CKAP2: variants seen among roughly 807,000 people sequenced by gnomAD.
CKAP2 encodes cytoskeleton associated protein 2.
CKAP2 carries 46 observed loss-of-function variants against 58.4 expected under a neutral mutation model. The observed-to-expected ratio is 0.79, with a 90% CI of 0.62 to 1.01. The LOEUF (loss-of-function observed/expected upper bound fraction) is 1.01. Among genes scored for constraint, CKAP2 ranks in the 50% least tolerant of loss-of-function variants. The probability of loss-of-function intolerance (pLI) is 0.00; values close to 1 mark genes in which losing one functional copy is unlikely to be tolerated. For synonymous variants in CKAP2, 293 were observed against 280.9 expected (o/e 1.04, Z -0.43); for missense variants, 809 against 796.4 (o/e 1.02, Z -0.19).
chr13:52,472,119 T>C (rs1180379899), intron 7 of CKAP2, among the ~76,000 whole-genome samples: 1 of 152,214 alleles, frequency 6.6e-6, no homozygotes, highest in East Asian at 1.9e-4. Context: ...GTTAGTTCCT[T>C]GGAGTAGCCT....
intron 8 of CKAP2, 41 bp from the exon 9 acceptor site, chr13:52,474,854 T>C (rs779530803): frequency 6.3e-7 from 1 of 1,583,260 alleles, no homozygotes; most frequent in South Asian, 1.1e-5. Context: ...GTAAAAATGT[T>C]AACATGTTTT....
chr13:52,461,910 AC>A lies in CKAP2; in HGVS notation c.1086del (p.Ser363ArgfsTer8). ...VDSRSAQPKE[T>X]SEERKARLSE... is the part of the protein sequence containing the mutation. ...TAGTAGATCAGCTCAGCCCAAAGAAACCTCGGAAGAGAGAAAGTAAGTAGAT... is the reference window on the plus strand; with the variant it reads ...TAGTAGATCAGCTCAGCCCAAAGAAACTCGGAAGAGAGAAAGTAAGTAGAT... On this transcript the variant is annotated frameshift_variant, in exon 4 of 9. Transcript: ENST00000258607. LOFTEE classifies it high-confidence loss of function. 6.3e-7 allele frequency: 1 copy of A among 1,593,000 alleles called. No individual in the cohort carries two copies. The highest frequency in any genetic ancestry group is 8.5e-7 in the Non-Finnish European group (1 of 1,173,162).
At position 52,460,896 on chromosome 13, in the gene CKAP2, T is replaced by C; in HGVS notation, c.156-3T>C. 6.2e-7 allele frequency: 1 copy of C among 1,612,444 alleles called. No homozygotes were observed. The highest frequency in any genetic ancestry group is 8.5e-7 in the Non-Finnish European group (1 of 1,179,424). ...ATCATTTTGTTTGTTTGTTTTTAAG[T>C]AGTAGAGATCAGAGAGTTGTGACAT... On this transcript the variant is annotated splice_region_variant and splice_polypyrimidine_tract_variant and intron_variant, in intron 2 of 8. Transcript: ENST00000258607.
chr13:52,474,812 A>G (rs1237088692), intron 8 of CKAP2, 83 bp from the exon 9 acceptor site: 126 of 1,331,328 alleles, frequency 9.5e-5, no homozygotes, highest in Middle Eastern at 2.5e-4. Flanking sequence ...CATACAAGCT[A>G]TATAGTATGG....
rs1267530210 is a variant in CKAP2, at chr13:52,461,697, C to A, written c.871C>A (p.Gln291Lys). The change falls in exon 4 of 9, where the codon CAA becomes AAA. Residue 291 changes from glutamine to lysine, a missense_variant. Gln to Lys is a moderately conservative substitution (Grantham distance 53, BLOSUM62 1). Coordinates refer to ENST00000258607, the MANE Select transcript of CKAP2 (RefSeq NM_018204.5). ...AGGGCCTCATGAAAAAGAACTATTA[C>A]AATCAAAAACAGCTTTATCTAGTGT... ...RKGPHEKELL[Q>K]SKTALSSVKT... is the part of the protein sequence containing the mutation. 7.4e-6 allele frequency: 12 copies of A among 1,613,656 alleles called. No individual in the cohort carries two copies. The highest frequency in any genetic ancestry group is 1.0e-5 in the Non-Finnish European group (12 of 1,179,916).
At chr13:52,458,991 G>T (rs984181564) in intron 2 of CKAP2, among the ~76,000 whole-genome samples, 9 of 152,102 alleles carry the variant, frequency 5.9e-5, no homozygotes, top group Non-Finnish European at 1.2e-4. Context: ...CTAAAGTATA[G>T]ATATCCTAAG....
At chr13:52,466,116 C>G (rs1383308323) in intron 6 of CKAP2, among the ~76,000 whole-genome samples, 1 of 151,800 alleles carries the variant, frequency 6.6e-6, no homozygotes, top group Non-Finnish European at 1.5e-5. Flanking sequence ...TGGCAATAAA[C>G]CGGTTTCTCT....
intron 5 of CKAP2, 36 bp downstream of exon 5, chr13:52,462,603 T>G (rs1014902082): frequency 6.6e-7 from 1 of 1,520,608 alleles, no homozygotes; most frequent in African/African-American, 1.4e-5. Flanking sequence ...TTTTATAGTT[T>G]GCAAATTACC....
chr13:52,468,897 A>AT (rs1958720285), intron 7 of CKAP2, among the ~76,000 whole-genome samples: 1 of 152,234 alleles, frequency 6.6e-6, no homozygotes, highest in Non-Finnish European at 1.5e-5. Context: ...ATACCCAGTA[A>AT]TGGGATTACT....
rs769189054 is a variant in CKAP2 at position 52,461,862 on chromosome 13, A to G, written c.1036A>G (p.Thr346Ala). Residue 346 changes from threonine (T) to alanine (A), a missense_variant, in exon 4 of 9, where the codon ACT (threonine) becomes GCT (alanine). Thr to Ala is a moderately conservative substitution (Grantham distance 58, BLOSUM62 0). This residue lies in a region of CKAP2 where 523 missense variants were observed against 492.4 expected (regional missense o/e 1.06). Transcript: ENST00000258607. The stretch of plus-strand genomic sequence containing the variant: ...AGAGCCCGTTGACCAGCGAAGACAT[A>G]CTGCAGGAAAAGCAATTGTTGATAG... ...KSEPVDQRRH[T>A]AGKAIVDSRS... The G allele has an allele frequency of 6.0e-5, 97 of 1,614,078 alleles. No individual in the cohort carries two copies. Among genetic ancestry groups the G allele is most frequent in the South Asian group, 1.2e-4 (11 of 91,042 alleles).
At chr13:52,468,142 G>A (rs1297313014) in intron 6 of CKAP2, 136 bp from the exon 7 acceptor site, 1 of 571,996 alleles carries the variant, frequency 1.7e-6, no homozygotes, top group East Asian at 3.0e-5. Flanking sequence ...AATTGTAAGT[G>A]GTCTGAGAAG....
intron 7 of CKAP2, among the ~76,000 whole-genome samples, chr13:52,469,050 G>A (rs930762523): frequency 2.0e-5 from 3 of 152,022 alleles, no homozygotes; most frequent in South Asian, 4.1e-4. Flanking sequence ...TATTTCTTTG[G>A]CCTTTTAAGG....
At chr13:52,458,878 C>T (rs1594133549) in intron 2 of CKAP2, among the ~76,000 whole-genome samples, 1 of 150,166 alleles carries the variant, frequency 6.7e-6, no homozygotes, top group Non-Finnish European at 1.5e-5. Flanking sequence ...AAAAGGAAAA[C>T]AGATGTCAAT....
At chr13:52,469,001 A>G (rs1324035859) in intron 7 of CKAP2, among the ~76,000 whole-genome samples, 1 of 152,202 alleles carries the variant, frequency 6.6e-6, no homozygotes, top group Non-Finnish European at 1.5e-5. Flanking sequence ...CAACAATGTA[A>G]ACGCATTCCT....
intron 6 of CKAP2, chr13:52,465,954 TGC>T (rs1331161722): frequency 3.7e-4 from 107 of 289,004 alleles, no homozygotes; most frequent in East Asian, 2.0e-3. Context: ...CACATATATA[TGC>T]ACACATATAT....
rs555258611 is a variant in CKAP2, at chr13:52,464,324, G to A, written c.1306-971G>A. 2.0e-5 allele frequency among the ~76,000 whole-genome samples: 3 copies of A among 152,186 alleles called. No homozygotes were observed. In the South Asian group the frequency reaches 6.2e-4, roughly 32 times the overall value. Reference sequence around the variant, plus strand: ...TCCCAGCACTTTGGGAGGCCAAGGCGGGCGGATCACCCAAGGTCAGGAGTT... The same window carrying A: ...TCCCAGCACTTTGGGAGGCCAAGGCAGGCGGATCACCCAAGGTCAGGAGTT... On this transcript the variant is annotated intron_variant, in intron 5 of 8. Coordinates refer to ENST00000258607, the MANE Select transcript of CKAP2 (RefSeq NM_018204.5).
intron 7 of CKAP2, among the ~76,000 whole-genome samples, chr13:52,470,004 AT>A (rs1958739565): frequency 6.6e-6 from 1 of 152,196 alleles, no homozygotes; most frequent in African/African-American, 2.4e-5. Context: ...GTAACTGTAT[AT>A]TATACAGTCA....
intron 7 of CKAP2, 94 bp downstream of exon 7, chr13:52,468,441 C>A: frequency 2.9e-6 from 2 of 683,062 alleles, no homozygotes; most frequent in Non-Finnish European, 2.5e-6. Flanking sequence ...AGTACGTGTG[C>A]AGGATGTGCA....
intron 1 of CKAP2, 53 bp from the exon 2 acceptor site, chr13:52,456,470 G>A (rs1331524088): frequency 4.5e-6 from 6 of 1,325,240 alleles, no homozygotes; most frequent in Non-Finnish European, 6.4e-6. Context: ...TTTATTTGCC[G>A]TTATCGATGT....
Sources: allele counts gnomAD v4.1 joint callset (sites outside exome capture counted in the v4.1 genomes callset), GRCh38; gene constraint gnomAD v4.1.1; regional missense constraint gnomAD v4.1.1; transcripts MANE v1.5; gene names NCBI Gene and HGNC (gene_info 2026-07-23, HGNC 2026-07-21).